IMPG2: variants seen among roughly 807,000 people sequenced by gnomAD.
IMPG2 encodes IPM 200.
In IMPG2, 91 loss-of-function variants were observed where a neutral mutation model predicts 129.2. The observed-to-expected ratio is 0.70, with a 90% CI of 0.59 to 0.84. The LOEUF (loss-of-function observed/expected upper bound fraction) is 0.84, where lower values mean the gene tolerates loss of function less well. IMPG2 is among the 40% of genes least tolerant of loss of function. IMPG2 has a pLI of 0.00. For synonymous variants in IMPG2, 510 were observed against 517.7 expected, an observed-to-expected ratio of 0.99 and a Z score of 0.20; for missense variants, 1,430 against 1,461.7, an observed-to-expected ratio of 0.98 and a Z score of 0.35.
At chr3:101,294,702 C>T (rs1037743324) in intron 3 of IMPG2, among the ~76,000 whole-genome samples, 1 of 152,198 alleles carries the variant, frequency 6.6e-6, no homozygotes, top group Non-Finnish European at 1.5e-5. Context: ...AATTTTCATT[C>T]CCACCAGCAG....
chr3:101,270,754 C>T (rs1434931311), intron 7 of IMPG2, among the ~76,000 whole-genome samples: 5 of 151,882 alleles, frequency 3.3e-5, no homozygotes. Context: ...GAGCCGAGAT[C>T]GCGCCACTGC....
At chr3:101,252,862 A>C (rs1458856202) in intron 11 of IMPG2, among the ~76,000 whole-genome samples, 2 of 152,170 alleles carry the variant, frequency 1.3e-5, no homozygotes, top group Non-Finnish European at 2.9e-5. Context: ...AATAGCTGAT[A>C]TGAGACAGAA....
intron 4 of IMPG2, among the ~76,000 whole-genome samples, chr3:101,287,353 C>T (rs958241980): frequency 2.6e-5 from 4 of 152,120 alleles, no homozygotes; most frequent in African/African-American, 9.7e-5. Context: ...TCCTATCATA[C>T]TAGCAATGTC....
At chr3:101,235,929 A>G (rs964260795) in intron 14 of IMPG2, among the ~76,000 whole-genome samples, 1 of 152,220 alleles carries the variant, frequency 6.6e-6, no homozygotes, top group South Asian at 2.1e-4. Flanking sequence ...CTGGGAAAAA[A>G]GTTGGCCAGT....
intron 3 of IMPG2, among the ~76,000 whole-genome samples, chr3:101,301,125 C>A (rs1408368394): frequency 6.6e-6 from 1 of 152,178 alleles, no homozygotes; most frequent in East Asian, 1.9e-4. Flanking sequence ...GAAACACAAA[C>A]AACATTTATC....
At chr3:101,297,576 C>T (rs1707093942) in intron 3 of IMPG2, among the ~76,000 whole-genome samples, 1 of 152,266 alleles carries the variant, frequency 6.6e-6, no homozygotes, top group African/African-American at 2.4e-5. Context: ...TTAGCTGTGT[C>T]CCAGAGATTC....
intron 14 of IMPG2, among the ~76,000 whole-genome samples, chr3:101,239,523 T>C (rs2107214731): frequency 6.6e-6 from 1 of 152,344 alleles, no homozygotes; most frequent in East Asian, 1.9e-4. Flanking sequence ...GAAGACAGTG[T>C]GGTGATTCCT....
intron 4 of IMPG2, among the ~76,000 whole-genome samples, chr3:101,286,534 T>G (rs1366850471): frequency 6.6e-6 from 1 of 152,198 alleles, no homozygotes; most frequent in East Asian, 1.9e-4. Context: ...CCCCTTGGCA[T>G]CTTTATGATG....
At chr3:101,232,217 A>AT (rs1407675744) in intron 15 of IMPG2, among the ~76,000 whole-genome samples, 91 of 86,666 alleles carry the variant, frequency 1.1e-3, no homozygotes, top group Admixed American at 3.3e-3. Flanking sequence ...TCTCAGTAGG[A>AT]TTTTTATTTT....
intron 4 of IMPG2, among the ~76,000 whole-genome samples, chr3:101,289,619 G>T (rs907213536): frequency 1.8e-4 from 27 of 152,060 alleles, no homozygotes; most frequent in African/African-American, 6.3e-4. Context: ...GACAGATGAG[G>T]CTGGGCACAG....
intron 14 of IMPG2, among the ~76,000 whole-genome samples, chr3:101,237,014 G>A (rs761662982): frequency 2.6e-5 from 4 of 152,168 alleles, no homozygotes; most frequent in Admixed American, 2.0e-4. Flanking sequence ...AACCTGGGGC[G>A]CTCGAGCTTG....
At chr3:101,286,923 T>A (rs1343305674) in intron 4 of IMPG2, among the ~76,000 whole-genome samples, 1 of 152,176 alleles carries the variant, frequency 6.6e-6, no homozygotes, top group East Asian at 1.9e-4. Context: ...TTAACAGACT[T>A]TCATTCATTT....
intron 3 of IMPG2, among the ~76,000 whole-genome samples, chr3:101,294,386 T>C (rs921954657): frequency 6.6e-6 from 1 of 152,214 alleles, no homozygotes; most frequent in Non-Finnish European, 1.5e-5. Flanking sequence ...GATGATGGCT[T>C]CCAGCTTCAT....
chr3:101,231,681 T>C (rs1706289752), intron 15 of IMPG2, among the ~76,000 whole-genome samples: 1 of 152,242 alleles, frequency 6.6e-6, no homozygotes, highest in Non-Finnish European at 1.5e-5. Flanking sequence ...AGAGTCTGGA[T>C]TATTTCTACT....
intron 4 of IMPG2, among the ~76,000 whole-genome samples, chr3:101,277,723 T>C (rs1162228741): frequency 2.0e-5 from 3 of 152,172 alleles, no homozygotes; most frequent in Admixed American, 1.3e-4. Flanking sequence ...GAAGATAATC[T>C]AAGAAAGCCT....
In IMPG2 at chr3:101,229,709, G is replaced by A. The variant is rs1279026564; in HGVS notation, c.3423-119C>T. 3.5e-6 allele frequency: 3 copies of A among 848,254 alleles called. No homozygotes were observed. In the East Asian group the frequency reaches 7.9e-5, roughly 22 times the overall value. 52.5% of individuals were successfully genotyped at this position (848,254 alleles called of 1,614,324 possible). On this transcript the variant is annotated intron_variant, in intron 16 of 18. Coordinates refer to ENST00000193391, the MANE Select transcript of IMPG2 (RefSeq NM_016247.4). ...ACAGGTGCACTTTACACAAATGGTG[G>A]GACATAACTGTGAAAAACATCTAGA... is the stretch of plus-strand genomic sequence containing the variant.
At position 101,244,244 on chromosome 3, in the gene IMPG2, TCAGCTGCAGTATCTGCGAAGATGGGCA is replaced by T; in HGVS notation, c.2060_2086del (p.Val687_Ala695del). 6.2e-7 allele frequency: 1 copy of T among 1,613,976 alleles called. No homozygotes were observed. Among genetic ancestry groups the T allele is most frequent in the Non-Finnish European group, 8.5e-7 (1 of 1,179,982 alleles). Reference sequence around the variant, plus strand: ...CTTGGGGAGGGTTAGAGACGCAGATTCAGCTGCAGTATCTGCGAAGATGGGCACAGCAGGCCCACTAAGAGGCTCTTC... The same window carrying T: ...CTTGGGGAGGGTTAGAGACGCAGATTCAGCAGGCCCACTAAGAGGCTCTTC... On this transcript the variant is annotated inframe_deletion, in exon 13 of 19. Transcript: ENST00000193391.
intron 15 of IMPG2, 123 bp downstream of exon 15, chr3:101,232,658 T>G (rs1447340752): frequency 2.6e-6 from 2 of 775,900 alleles, no homozygotes; most frequent in African/African-American, 3.5e-5. Flanking sequence ...TCCCATCTAT[T>G]GCCTAGATAT....
intron 11 of IMPG2, among the ~76,000 whole-genome samples, chr3:101,249,540 T>A (rs1706521332): frequency 6.6e-6 from 1 of 151,992 alleles, no homozygotes; most frequent in African/African-American, 2.4e-5. Context: ...TTAGCAAACA[T>A]TTTTGGCAAT....
Sources: allele counts gnomAD v4.1 joint callset (sites outside exome capture counted in the v4.1 genomes callset), GRCh38; gene constraint gnomAD v4.1.1; transcripts MANE v1.5; gene names NCBI Gene and HGNC (gene_info 2026-07-23, HGNC 2026-07-21).